PLXNA4: variants seen among roughly 807,000 people sequenced by gnomAD.
PLXNA4 encodes the protein plexin A4.
In PLXNA4, 44 loss-of-function variants were observed where a neutral mutation model predicts 191.8. That is an observed-to-expected ratio of 0.23 (90% CI 0.18 to 0.29). The LOEUF (loss-of-function observed/expected upper bound fraction) is 0.29, where lower values mean the gene tolerates loss of function less well. PLXNA4 is among the 10% of genes least tolerant of loss of function. The pLI is 1.00. For missense variants in PLXNA4, 1,800 were observed against 2,488.8 expected (o/e 0.72, Z 5.89); for synonymous variants, 1,082 against 1,009.5 (o/e 1.07, Z -1.36).
chr7:132,377,563 T>C (rs371655615), intron 3 of PLXNA4, among the ~76,000 whole-genome samples: 3 of 152,038 alleles, frequency 2.0e-5, no homozygotes, highest in African/African-American at 4.8e-5. Context: ...ACACATCTGA[T>C]TGGGCAGCAC....
intron 3 of PLXNA4, among the ~76,000 whole-genome samples, chr7:132,473,511 G>C (rs1275814126): frequency 6.6e-6 from 1 of 152,176 alleles, no homozygotes; most frequent in Non-Finnish European, 1.5e-5. Flanking sequence ...AAATAACTAA[G>C]AAAAGCAGAC....
At position 132,127,729 on chromosome 7, in the gene PLXNA4, C is replaced by A. The variant is rs1437330385; in HGVS notation, c.*2750G>T. 6.6e-6 allele frequency: 1 copy of A among 152,128 alleles called. No homozygotes were observed. The highest frequency in any genetic ancestry group is 2.4e-5 in the African/African-American group (1 of 41,424). 9.4% of individuals were successfully genotyped at this position (152,128 alleles called of 1,614,324 possible). A position where few individuals can be genotyped will look rare whatever the true frequency, so the allele number is the denominator to read the frequency against. ...CACCCACCAATTAAAGTCAAACCAG[C>A]CCCAAACCCCTCCCCCAGGAGAAAT... On this transcript the variant is annotated 3_prime_UTR_variant, in exon 32 of 32. Coordinates refer to ENST00000321063, the MANE Select transcript of PLXNA4 (RefSeq NM_020911.2).
chr7:132,465,856 C>G (rs1176166661), intron 3 of PLXNA4, among the ~76,000 whole-genome samples: 1 of 152,136 alleles, frequency 6.6e-6, no homozygotes, highest in Non-Finnish European at 1.5e-5. Flanking sequence ...GAAGAGCCCA[C>G]AGAGACCCAT....
At chr7:132,635,177 T>C (rs1803573865) in intron 2 of PLXNA4, among the ~76,000 whole-genome samples, 1 of 23,706 alleles carries the variant, frequency 4.2e-5, no homozygotes, top group African/African-American at 1.4e-4. Flanking sequence ...CCTTTATATA[T>C]ATATATATAT....
At chr7:132,370,406 G>A (rs1417845021) in intron 3 of PLXNA4, among the ~76,000 whole-genome samples, 3 of 152,184 alleles carry the variant, frequency 2.0e-5, no homozygotes, top group Admixed American at 6.5e-5. Flanking sequence ...CTTGGACGTG[G>A]CCTCTCAAAT....
intron 3 of PLXNA4, among the ~76,000 whole-genome samples, chr7:132,372,025 C>A (rs961350280): frequency 6.6e-6 from 1 of 152,212 alleles, no homozygotes; most frequent in Admixed American, 6.5e-5. Context: ...TAGATTGACA[C>A]CTGCATTATT....
intron 3 of PLXNA4, among the ~76,000 whole-genome samples, chr7:132,479,998 A>C (rs919115369): frequency 6.6e-6 from 1 of 152,092 alleles, no homozygotes; most frequent in Non-Finnish European, 1.5e-5. Flanking sequence ...TATATAAAGA[A>C]CTATGTACAC....
chr7:132,168,889 C>A (rs1796201159), intron 21 of PLXNA4, among the ~76,000 whole-genome samples: 1 of 152,218 alleles, frequency 6.6e-6, no homozygotes, highest in Admixed American at 6.5e-5. Flanking sequence ...GATGAGGGCC[C>A]CTGTGTCATG....
intron 3 of PLXNA4, among the ~76,000 whole-genome samples, chr7:132,411,078 T>C (rs1794439851): frequency 6.6e-6 from 1 of 152,200 alleles, no homozygotes; most frequent in Non-Finnish European, 1.5e-5. Context: ...TGTTTAGAAA[T>C]AGAGAACGAA....
intron 3 of PLXNA4, among the ~76,000 whole-genome samples, chr7:132,399,866 T>C: frequency 6.6e-6 from 1 of 152,160 alleles, no homozygotes; most frequent in East Asian, 1.9e-4. Context: ...GTGCAGATCT[T>C]CAGTGCACAC....
chr7:132,199,560 T>G (rs569155781), intron 12 of PLXNA4, among the ~76,000 whole-genome samples: 1 of 152,304 alleles, frequency 6.6e-6, no homozygotes, highest in Admixed American at 6.5e-5. Flanking sequence ...GAGAAGGGCA[T>G]GCTTCCATTC....
intron 3 of PLXNA4, among the ~76,000 whole-genome samples, chr7:132,340,692 G>C (rs768215341): frequency 5.7e-4 from 87 of 152,328 alleles, no homozygotes; most frequent in Non-Finnish European, 9.4e-4. Context: ...TGCAAGTCCA[G>C]TTTTCTGCCT....
chr7:132,370,272 A>G (rs1016109444), intron 3 of PLXNA4, among the ~76,000 whole-genome samples: 4 of 152,146 alleles, frequency 2.6e-5, no homozygotes, highest in African/African-American at 9.7e-5. Context: ...GAGGCTGCCC[A>G]CCACTGTGTT....
chr7:132,290,015 A>G (rs1584950109), intron 4 of PLXNA4, among the ~76,000 whole-genome samples: 1 of 152,192 alleles, frequency 6.6e-6, no homozygotes, highest in East Asian at 1.9e-4. Flanking sequence ...GGCAATGCCT[A>G]TGGGCAGGGA....
At chr7:132,295,478 C>T (rs919740860) in intron 4 of PLXNA4, among the ~76,000 whole-genome samples, 9 of 152,184 alleles carry the variant, frequency 5.9e-5, no homozygotes, top group African/African-American at 1.4e-4. Flanking sequence ...CAGTGTGCAA[C>T]GTGTTCTGAC....
intron 3 of PLXNA4, among the ~76,000 whole-genome samples, chr7:132,334,445 A>C (rs1254215129): frequency 6.6e-6 from 1 of 150,638 alleles, no homozygotes; most frequent in Non-Finnish European, 1.5e-5. Flanking sequence ...TTTTGTAGAG[A>C]CGGTGTCTCA....
intron 9 of PLXNA4, among the ~76,000 whole-genome samples, chr7:132,211,426 T>C (rs1797797256): frequency 6.6e-6 from 1 of 152,214 alleles, no homozygotes; most frequent in African/African-American, 2.4e-5. Context: ...TCCTGTAGCC[T>C]CCTCCTGGCA....
intron 3 of PLXNA4, 81 bp from the exon 4 acceptor site, chr7:132,298,303 A>G: frequency 6.6e-7 from 1 of 1,522,812 alleles, no homozygotes; most frequent in Non-Finnish European, 8.8e-7. Context: ...GACCCTGTCA[A>G]CAGCCAAGGG....
rs374418340 is a variant in PLXNA4 at position 132,298,196 on chromosome 7, G to A, written c.1398C>T (p.Asn466=). ...KKIRVDGPRG[N]ALQYETVQVV... ...CCTGCACCGTCTCATACTGGAGGGC[G>A]TTGCCCCTGGGTCCATCCACCCGGA... The change falls in exon 4 of 32, where the codon AAC becomes AAT. Residue 466 remains asparagine, a synonymous_variant. Coordinates refer to ENST00000321063, the MANE Select transcript of PLXNA4 (RefSeq NM_020911.2). 3.0e-5 allele frequency: 48 copies of A among 1,613,900 alleles called. No homozygotes were observed. The highest frequency in any genetic ancestry group is 1.3e-4 in the Admixed American group (8 of 59,976).
Sources: gnomAD v4.1 joint callset for allele counts (sites outside exome capture counted in the v4.1 genomes callset) on GRCh38, gnomAD v4.1.1 for gene constraint, MANE v1.5 for transcripts, NCBI Gene and HGNC (gene_info 2026-07-23, HGNC 2026-07-21) for gene names.